The following VPS35L variants were observed in gnomAD, a reference collection of about 807,000 sequenced individuals.
VPS35L encodes VPS35 endosomal protein sorting factor like, also known as VPS35 endosomal protein-sorting factor-like.
Under a neutral mutation model 133.0 loss-of-function variants are expected in VPS35L, and 83 were observed. The ratio of observed to expected loss-of-function variants is 0.62; its 90% CI spans 0.52 to 0.75. VPS35L has a LOEUF of 0.75. Among genes scored for constraint, VPS35L ranks in the 30% least tolerant of loss-of-function variants. The probability of loss-of-function intolerance (pLI) is 0.00; values close to 1 mark genes in which losing one functional copy is unlikely to be tolerated. For synonymous variants in VPS35L, 423 were observed against 449.9 expected, an observed-to-expected ratio of 0.94 and a Z score of 0.76; for missense variants, 1,083 against 1,206.8, an observed-to-expected ratio of 0.90 and a Z score of 1.52.
chr16:19,640,195 A>G lies in VPS35L; in HGVS notation c.1784+95A>G, dbSNP rs993317366. On this transcript the variant is annotated intron_variant, in intron 21 of 30. Coordinates refer to ENST00000417362, the MANE Select transcript of VPS35L (RefSeq NM_020314.7). ...AGTTCTTGCACTTTGAGGCCGAGTG[A>G]TGTGTACGTATTTCATACAGAAAAC... The G allele has an allele frequency of 2.2e-5, 24 of 1,093,638 alleles. No individual in the cohort carries two copies. The African/African-American group carries it at 3.6e-4, about 16-fold the overall frequency. The allele number at this position is 1,093,638 out of a possible 1,614,324, so 67.7% of individuals were successfully genotyped here.
intron 17 of VPS35L, among the ~76,000 whole-genome samples, chr16:19,629,122 T>G (rs1973365245): frequency 3.9e-5 from 6 of 152,164 alleles, no homozygotes; most frequent in Admixed American, 3.9e-4. Flanking sequence ...AGTTTTGGCA[T>G]CTGCTCTTTT....
At chr16:19,685,083 AGT>A (rs962912248) in intron 28 of VPS35L, among the ~76,000 whole-genome samples, 33 of 152,130 alleles carry the variant, frequency 2.2e-4, no homozygotes, top group Admixed American at 2.2e-3. Context: ...TTTTAATTAA[AGT>A]GTATTATATA....
intron 8 of VPS35L, among the ~76,000 whole-genome samples, chr16:19,600,446 G>A (rs185223084): frequency 4.3e-4 from 66 of 152,262 alleles, no homozygotes; most frequent in Non-Finnish European, 6.9e-4. Context: ...CTGTTGTGTA[G>A]AGTTTTATTG....
intron 12 of VPS35L, among the ~76,000 whole-genome samples, chr16:19,612,357 G>A (rs1972752671): frequency 1.3e-5 from 2 of 152,080 alleles, no homozygotes. Context: ...GGGTTCAAGC[G>A]ATTCTCATGT....
intron 28 of VPS35L, among the ~76,000 whole-genome samples, chr16:19,683,170 G>A (rs553386279): frequency 7.9e-5 from 12 of 152,108 alleles, no homozygotes; most frequent in East Asian, 5.8e-4. Context: ...TAATCTACCC[G>A]TCTCAGCCTC....
At chr16:19,627,564 G>A in intron 15 of VPS35L, 130 bp from the exon 16 acceptor site, 2 of 686,954 alleles carry the variant, frequency 2.9e-6, no homozygotes, top group Non-Finnish European at 5.1e-6. Flanking sequence ...TTTTTACTCT[G>A]ATTTTTTGTT....
chr16:19,696,009 T>C (rs1164152462), intron 29 of VPS35L, among the ~76,000 whole-genome samples: 1 of 151,932 alleles, frequency 6.6e-6, no homozygotes, highest in Non-Finnish European at 1.5e-5. Flanking sequence ...GCCTCAGGCT[T>C]CCGAGTAGCT....
intron 2 of VPS35L, chr16:19,569,151 C>A (rs369160083): frequency 4.8e-6 from 3 of 621,664 alleles, no homozygotes; most frequent in Non-Finnish European, 9.0e-6. Context: ...CATAGGGAAC[C>A]CCAGGTGCTG....
intron 7 of VPS35L, 134 bp downstream of exon 7, chr16:19,581,787 C>T: frequency 4.8e-6 from 5 of 1,038,818 alleles, no homozygotes; most frequent in Non-Finnish European, 7.0e-6. Context: ...CATATACTTC[C>T]TGTGAAAAGC....
chr16:19,616,320 C>T (rs1054589152), intron 13 of VPS35L, 129 bp downstream of exon 13: 5 of 755,070 alleles, frequency 6.6e-6, no homozygotes, highest in East Asian at 2.5e-5. Context: ...TGGAAAATTA[C>T]ACTAGCTTCT....
At chr16:19,646,754 C>T (rs1397649122) in intron 23 of VPS35L, among the ~76,000 whole-genome samples, 1 of 152,018 alleles carries the variant, frequency 6.6e-6, no homozygotes, top group Non-Finnish European at 1.5e-5. Context: ...TTGAGGGGAC[C>T]CAGTCTGGAG....
At chr16:19,675,876 A>C (rs1213265820) in intron 27 of VPS35L, among the ~76,000 whole-genome samples, 1 of 152,016 alleles carries the variant, frequency 6.6e-6, no homozygotes, top group Non-Finnish European at 1.5e-5. Flanking sequence ...TGGGGACTGC[A>C]CTGTTTTGCT....
chr16:19,665,982 A>G (rs1974650614), intron 26 of VPS35L, among the ~76,000 whole-genome samples: 1 of 150,048 alleles, frequency 6.7e-6, no homozygotes, highest in African/African-American at 2.5e-5. Context: ...TTTTTTTTTG[A>G]GAAACATCTA....
At chr16:19,645,466 T>A (rs979426438) in intron 23 of VPS35L, among the ~76,000 whole-genome samples, 5 of 152,138 alleles carry the variant, frequency 3.3e-5, no homozygotes, top group Non-Finnish European at 7.4e-5. Context: ...ATTTTTTGTA[T>A]TTTTAGTAGA....
At chr16:19,689,198 T>C (rs1476490039) in intron 28 of VPS35L, among the ~76,000 whole-genome samples, 1 of 151,802 alleles carries the variant, frequency 6.6e-6, no homozygotes, top group African/African-American at 2.4e-5. Flanking sequence ...AGGATGGTCT[T>C]GATCTCTTGA....
At chr16:19,608,678 A>G (rs374732063) in intron 10 of VPS35L, 7 of 418,784 alleles carry the variant, frequency 1.7e-5, no homozygotes, top group African/African-American at 5.9e-5. Flanking sequence ...TTAGTTACCT[A>G]AAGTTCTTTC....
In VPS35L at chr16:19,664,262, A is replaced by G. The variant is rs377086095; in HGVS notation, c.2222-4898A>G. Among the ~76,000 whole-genome samples, 7 of 151,932 alleles carry G rather than the reference A, an allele frequency of 4.6e-5. No homozygotes were observed. In the South Asian group the frequency reaches 6.2e-4, roughly 14 times the overall value. On this transcript the variant is annotated intron_variant, in intron 26 of 30. Transcript: ENST00000417362. ...TGGGGGCAGTGGCTATGTTTATGCA[A>G]TTTTTCTTACTATGAATACGGGGAC...
chr16:19,683,341 AG>A (rs1433701647), intron 28 of VPS35L, among the ~76,000 whole-genome samples: 2 of 152,220 alleles, frequency 1.3e-5, no homozygotes, highest in Admixed American at 1.3e-4. Context: ...TTTTAGATTT[AG>A]GAGGTATACG....
At chr16:19,579,252 C>A in intron 6 of VPS35L, 124 bp downstream of exon 6, 1 of 854,808 alleles carries the variant, frequency 1.2e-6, no homozygotes. Flanking sequence ...TTGGTCCTCT[C>A]GAGGCAATGA....
Sources: allele counts gnomAD v4.1 joint callset (sites outside exome capture counted in the v4.1 genomes callset), GRCh38; gene constraint gnomAD v4.1.1; transcripts MANE v1.5; gene names NCBI Gene and HGNC (gene_info 2026-07-23, HGNC 2026-07-21).